The following GJC1 variants were observed in gnomAD, a reference collection of about 807,000 sequenced individuals.
GJC1 encodes gap junction protein gamma 1.
A neutral mutation model predicts 29.3 loss-of-function variants in GJC1; 5 were observed. That is an observed-to-expected ratio of 0.17 (90% CI 0.09 to 0.36). The LOEUF is 0.36. GJC1 is among the 10% of genes least tolerant of loss of function. The pLI, the probability that GJC1 is intolerant of heterozygous loss-of-function variation, is 1.00. For missense variants in GJC1, 310 were observed against 496.2 expected (o/e 0.62, Z 3.56); for synonymous variants, 177 against 183.3 (o/e 0.97, Z 0.28).
intron 1 of GJC1, among the ~76,000 whole-genome samples, chr17:44,812,002 A>C (rs897990182): frequency 3.3e-5 from 5 of 150,546 alleles, no homozygotes; most frequent in African/African-American, 7.4e-5. Context: ...CTCTAAAAAA[A>C]AAAAACAAAA....
intron 1 of GJC1, among the ~76,000 whole-genome samples, chr17:44,816,433 C>T (rs1229716079): frequency 6.6e-6 from 1 of 152,138 alleles, no homozygotes; most frequent in Non-Finnish European, 1.5e-5. Context: ...CAAGAGTTTT[C>T]TATAGGTTAT....
At chr17:44,796,713 T>C (rs1188787697), downstream of GJC1, among the ~76,000 whole-genome samples, 2 of 150,792 alleles carry the variant, frequency 1.3e-5, no homozygotes, top group Non-Finnish European at 3.0e-5. Context: ...TTTTACTCCA[T>C]GTAAATTATA....
intron 1 of GJC1, among the ~76,000 whole-genome samples, chr17:44,824,053 GCTGGAGTGC>G (rs1483932297): frequency 1.4e-5 from 2 of 142,418 alleles, no homozygotes; most frequent in Non-Finnish European, 3.1e-5. Flanking sequence ...CTGTTGCCAG[GCTGGAGTGC>G]AGCGGCACAA....
chr17:44,825,279 C>G (rs1371013669), intron 1 of GJC1, among the ~76,000 whole-genome samples: 1 of 146,178 alleles, frequency 6.8e-6, no homozygotes, highest in Non-Finnish European at 1.5e-5. Flanking sequence ...GCAGGTGGAT[C>G]ACCTGAGGTC....
chr17:44,825,260 G>A (rs915343937), intron 1 of GJC1, among the ~76,000 whole-genome samples: 3 of 150,316 alleles, frequency 2.0e-5, no homozygotes, highest in Non-Finnish European at 4.4e-5. Flanking sequence ...AGCACTTTGG[G>A]AGACCGAGGC....
In GJC1 at chr17:44,803,284, A is replaced by C. The variant is rs1386531587; in HGVS notation, c.*1343T>G. On this transcript the variant is annotated 3_prime_UTR_variant, in exon 3 of 3. Coordinates refer to ENST00000592524, the MANE Select transcript of GJC1 (RefSeq NM_005497.4). ...TTACCAAGCTCTTTCTCAGAAGCTC[A>C]CAAAACTTAAGACAATGTGAACATG... 1 of 152,212 alleles carries C rather than the reference A, an allele frequency of 6.6e-6. No individual in the cohort carries two copies. The highest frequency in any genetic ancestry group is 1.9e-4 in the East Asian group (1 of 5,202). 9.4% of individuals were successfully genotyped at this position (152,212 alleles called of 1,614,324 possible).
chr17:44,820,576 A>G (rs555791914), intron 1 of GJC1, among the ~76,000 whole-genome samples: 1 of 152,332 alleles, frequency 6.6e-6, no homozygotes, highest in African/African-American at 2.4e-5. Context: ...AAATTTTAAA[A>G]AGGCACTTCC....
At chr17:44,815,529 C>T (rs2050032014) in intron 1 of GJC1, among the ~76,000 whole-genome samples, 1 of 152,118 alleles carries the variant, frequency 6.6e-6, no homozygotes, top group African/African-American at 2.4e-5. Flanking sequence ...AAAACAACTT[C>T]ACCTCCACCT....
chr17:44,823,234 T>C (rs1010493279), intron 1 of GJC1, among the ~76,000 whole-genome samples: 1 of 149,272 alleles, frequency 6.7e-6, no homozygotes, highest in African/African-American at 2.5e-5. Context: ...TGAAACCCTA[T>C]GCATTTCTTT....
Position 44,804,585 on chromosome 17 carries a change from T to A in GJC1, c.*42A>T. 1 of 1,419,322 alleles carries A rather than the reference T, an allele frequency of 7.0e-7. No individual in the cohort carries two copies. Among genetic ancestry groups the A allele is most frequent in the Non-Finnish European group, 9.8e-7 (1 of 1,024,874 alleles). The allele number at this position is 1,419,322 out of a possible 1,614,324, so 87.9% of individuals were successfully genotyped here. ...AGTCATTATTCAGTGAGCTGCTGCT[T>A]ACCATAAACTATGAAAAGCACAGGT... On this transcript the variant is annotated 3_prime_UTR_variant, in exon 3 of 3. Coordinates refer to ENST00000592524, the MANE Select transcript of GJC1 (RefSeq NM_005497.4).
intron 1 of GJC1, among the ~76,000 whole-genome samples, chr17:44,815,238 G>A (rs2050029041): frequency 6.6e-6 from 1 of 152,080 alleles, no homozygotes; most frequent in Non-Finnish European, 1.5e-5. Context: ...GGAGTGCAGT[G>A]GCATGATCTC....
intron 1 of GJC1, among the ~76,000 whole-genome samples, chr17:44,829,084 T>C (rs1276943000): frequency 6.6e-6 from 1 of 150,900 alleles, no homozygotes; most frequent in Non-Finnish European, 1.5e-5. Context: ...TTATTCAAAC[T>C]TAACTTACTC....
At position 44,809,171 on chromosome 17, in the gene GJC1, G is replaced by A. The variant is rs2049945599; in HGVS notation, c.-96-1702C>T. Among the ~76,000 whole-genome samples, 3 of 152,166 alleles carry A rather than the reference G, an allele frequency of 2.0e-5. 1 individual carries two copies. The highest frequency in any genetic ancestry group is 4.1e-4 in the South Asian group (2 of 4,830). On this transcript the variant is annotated intron_variant, in intron 1 of 2. Coordinates refer to ENST00000592524, the MANE Select transcript of GJC1 (RefSeq NM_005497.4). The stretch of plus-strand genomic sequence containing the variant: ...AGCACTTTGGAAGGCTGAAGGAGGA[G>A]GATCACTTGAACTTGGGAGCTTGAG...
downstream of GJC1, chr17:44,794,383 G>C (rs1296415571): frequency 2.0e-5 from 3 of 152,240 alleles, no homozygotes; most frequent in Non-Finnish European, 4.4e-5. Context: ...TAGGGCTTTT[G>C]CAGTTAAAAG....
At chr17:44,810,732 G>A (rs2049969942) in intron 1 of GJC1, among the ~76,000 whole-genome samples, 1 of 152,086 alleles carries the variant, frequency 6.6e-6, no homozygotes, top group African/African-American at 2.4e-5. Context: ...GAGGAGCGGG[G>A]ATCTGGATAC....
chr17:44,797,471 G>C (rs2049790944), downstream of GJC1: 1 of 152,202 alleles, frequency 6.6e-6, no homozygotes, highest in African/African-American at 2.4e-5. Context: ...GGTCCACCCA[G>C]CAAAGATGCC....
intron 1 of GJC1, chr17:44,807,947 G>T (rs531940732): frequency 6.6e-5 from 10 of 152,262 alleles, no homozygotes; most frequent in African/African-American, 2.4e-4. Context: ...TCAGTCACAG[G>T]AACACCCGTC....
chr17:44,796,839 G>GTA (rs761221481), downstream of GJC1, among the ~76,000 whole-genome samples: 726 of 151,370 alleles, frequency 4.8e-3, 3 homozygotes, highest in Middle Eastern at 0.034. Flanking sequence ...ACACACACAC[G>GTA]TATATATATA....
chr17:44,805,396 T>A lies in GJC1; in HGVS notation c.422A>T (p.Tyr141Phe), dbSNP rs1377325947. The change falls in exon 3 of 3, where the codon TAT becomes TTT. Residue 141 changes from tyrosine to phenylalanine, a missense_variant. Physicochemically the swap from Tyr to Phe is conservative, Grantham distance 22 (BLOSUM62 3). Transcript: ENST00000592524. The surrounding 1 kb of genome is among the most constrained non-coding windows in gnomAD (Gnocchi z 5.1). ...EEDNEEDPMM[Y>F]PEMELESDKE... ...ATCACTTTCTAACTCCATCTCTGGA[T>A]ACATCATAGGATCCTCTTCGTTGTC... is the stretch of plus-strand genomic sequence containing the variant. The A allele has an allele frequency of 2.5e-6, 4 of 1,614,248 alleles. No homozygotes were observed. In the East Asian group the frequency reaches 6.7e-5, roughly 27 times the overall value.
Sources: allele counts gnomAD v4.1 joint callset (sites outside exome capture counted in the v4.1 genomes callset), GRCh38; gene constraint gnomAD v4.1.1; non-coding constraint Gnocchi (gnomAD v3.1); transcripts MANE v1.5; gene names NCBI Gene and HGNC (gene_info 2026-07-23, HGNC 2026-07-21).